Variants in SHISA6 observed in about 807,000 individuals in gnomAD.
SHISA6 encodes shisa family member 6, also known as protein shisa-6.
A neutral mutation model predicts 47.9 loss-of-function variants in SHISA6; 22 were observed. The observed-to-expected ratio is 0.46, with a 90% confidence interval of 0.33 to 0.66. SHISA6 has a LOEUF of 0.66. SHISA6 is among the 30% of genes least tolerant of loss of function. The pLI is 0.02. For synonymous variants in SHISA6, 388 were observed against 337.8 expected, an observed-to-expected ratio of 1.15 and a Z score of -1.63; for missense variants, 680 against 764.6, an observed-to-expected ratio of 0.89 and a Z score of 1.30.
chr17:11,360,329 G>A (rs534449690), intron 2 of SHISA6, among the ~76,000 whole-genome samples: 4 of 152,182 alleles, frequency 2.6e-5, no homozygotes, highest in Non-Finnish European at 5.9e-5. Flanking sequence ...TGAGGCTGAG[G>A]CGGGTGGATC....
In SHISA6 at chr17:11,476,113, G is replaced by C. The variant is rs79102762; in HGVS notation, c.896-75783G>C. ...CTTCTTTATTATTCTGTTAACATTC[G>C]TGGGATCTGTAGTGATGTCCCCTCT... On this transcript the variant is annotated intron_variant, in intron 3 of 5. Transcript: ENST00000441885. 5.4e-3 allele frequency among the ~76,000 whole-genome samples: 824 copies of C among 151,982 alleles called. 12 individuals carry two copies. The highest frequency in any genetic ancestry group is 0.019 in the African/African-American group (785 of 41,472).
chr17:11,493,316 C>T (rs531769692), intron 3 of SHISA6, among the ~76,000 whole-genome samples: 57 of 152,174 alleles, frequency 3.7e-4, no homozygotes, highest in Middle Eastern at 3.4e-3. Context: ...CAGTATCCAC[C>T]ACGGAGTTCA....
intron 2 of SHISA6, among the ~76,000 whole-genome samples, chr17:11,347,725 C>A (rs541341099): frequency 6.6e-6 from 1 of 152,206 alleles, no homozygotes; most frequent in African/African-American, 2.4e-5. Context: ...ATGAGAGACC[C>A]AGAACCTACC....
intron 2 of SHISA6, among the ~76,000 whole-genome samples, chr17:11,358,695 A>C (rs1912158992): frequency 3.0e-5 from 4 of 134,260 alleles, no homozygotes; most frequent in African/African-American, 5.8e-5. Context: ...AATACGTCTC[A>C]CTCTGTTGTC....
chr17:11,300,733 C>A (rs974278708), intron 2 of SHISA6, among the ~76,000 whole-genome samples: 3 of 148,116 alleles, frequency 2.0e-5, no homozygotes, highest in African/African-American at 7.5e-5. Context: ...TAAGAGATGG[C>A]TCTAGGAAAA....
intron 2 of SHISA6, among the ~76,000 whole-genome samples, chr17:11,285,421 G>A (rs1384438204): frequency 6.6e-6 from 1 of 152,202 alleles, no homozygotes; most frequent in Admixed American, 6.5e-5. Flanking sequence ...CTTGAGAGGA[G>A]CAAATCTTGC....
At chr17:11,405,021 T>C (rs560595033) in intron 3 of SHISA6, among the ~76,000 whole-genome samples, 6 of 152,160 alleles carry the variant, frequency 3.9e-5, no homozygotes, top group Admixed American at 6.6e-5. Context: ...TGTTCAACTT[T>C]ATCTGCAGAG....
At chr17:11,342,383 G>A (rs1034306000) in intron 2 of SHISA6, among the ~76,000 whole-genome samples, 1 of 152,016 alleles carries the variant, frequency 6.6e-6, no homozygotes, top group East Asian at 2.0e-4. Context: ...GTTGGAGGCT[G>A]GGGCTGCAGC....
intron 3 of SHISA6, among the ~76,000 whole-genome samples, chr17:11,502,030 A>G (rs2071457758): frequency 1.3e-5 from 2 of 152,166 alleles, no homozygotes; most frequent in South Asian, 4.1e-4. Flanking sequence ...GGGCTTTAGG[A>G]ACAAAGAGAA....
At chr17:11,327,117 A>G (rs1382997425) in intron 2 of SHISA6, among the ~76,000 whole-genome samples, 3 of 152,216 alleles carry the variant, frequency 2.0e-5, no homozygotes, top group Admixed American at 2.0e-4. Flanking sequence ...GCTGTTGAGG[A>G]TAGATGAGTC....
chr17:11,541,556 G>A (rs1296787137), intron 3 of SHISA6, among the ~76,000 whole-genome samples: 2 of 152,178 alleles, frequency 1.3e-5, no homozygotes, highest in African/African-American at 4.8e-5. Flanking sequence ...AGGAACTTTA[G>A]AACCTATTTT....
At position 11,358,667 on chromosome 17, in the gene SHISA6, C is replaced by CTTTTTTTTTTTT. The variant is rs71142206; in HGVS notation, c.800-20745_800-20734dup. 3.1e-3 allele frequency among the ~76,000 whole-genome samples: 435 copies of CTTTTTTTTTTTT among 141,274 alleles called. 4 individuals are homozygous for CTTTTTTTTTTTT. The highest frequency in any genetic ancestry group is 0.011 in the African/African-American group (410 of 37,034). 92.7% of individuals were successfully genotyped at this position (141,274 alleles called of 152,430 possible). A position where few individuals can be genotyped will look rare whatever the true frequency, so the allele number is the denominator to read the frequency against. ...AGCCACCGCACCTGGCCAGAATTTC[C>CTTTTTTTTTTTT]TTTTTTTTTTTTTAAAGAATACGTC... On this transcript the variant is annotated intron_variant, in intron 2 of 5. Transcript: ENST00000441885.
At chr17:11,527,115 C>T (rs917353189) in intron 3 of SHISA6, among the ~76,000 whole-genome samples, 7 of 151,898 alleles carry the variant, frequency 4.6e-5, no homozygotes, top group African/African-American at 1.7e-4. Flanking sequence ...GGACATTTTT[C>T]CCAAAGAATA....
chr17:11,325,607 G>A, intron 2 of SHISA6, among the ~76,000 whole-genome samples: 1 of 151,950 alleles, frequency 6.6e-6, no homozygotes, highest in Non-Finnish European at 1.5e-5. Context: ...GACAGCATCA[G>A]GAAGTGAAAT....
intron 3 of SHISA6, among the ~76,000 whole-genome samples, chr17:11,455,662 C>G (rs1367280701): frequency 6.6e-6 from 1 of 152,060 alleles, no homozygotes; most frequent in Non-Finnish European, 1.5e-5. Flanking sequence ...AGGTTCTCAC[C>G]CCGCTGAGCA....
intron 2 of SHISA6, among the ~76,000 whole-genome samples, chr17:11,271,601 CTTTTTTTT>C (rs770845288): frequency 2.0e-5 from 2 of 99,736 alleles, no homozygotes; most frequent in Admixed American, 9.9e-5. Context: ...CCACGCCTGG[CTTTTTTTT>C]TTTTTTTTTT....
At chr17:11,471,689 C>G (rs551896634) in intron 3 of SHISA6, among the ~76,000 whole-genome samples, 30 of 152,302 alleles carry the variant, frequency 2.0e-4, no homozygotes, top group African/African-American at 7.0e-4. Context: ...TGCTGTACAT[C>G]TTTAGACTAG....
intron 3 of SHISA6, among the ~76,000 whole-genome samples, chr17:11,382,475 ACTAAGTTCAACT>A (rs1306112305): frequency 4.6e-5 from 7 of 152,174 alleles, no homozygotes; most frequent in Non-Finnish European, 8.8e-5. Context: ...TTCAGAGCAA[ACTAAGTTCAACT>A]CTAAGTGCTA....
chr17:11,272,127 G>A (rs1282962749), intron 2 of SHISA6, among the ~76,000 whole-genome samples: 1 of 151,998 alleles, frequency 6.6e-6, no homozygotes, highest in East Asian at 1.9e-4. Context: ...GGGGTTCTGG[G>A]AACAGCTTCT....
Sources: gnomAD v4.1 joint callset for allele counts (sites outside exome capture counted in the v4.1 genomes callset) on GRCh38, gnomAD v4.1.1 for gene constraint, MANE v1.5 for transcripts, NCBI Gene and HGNC (gene_info 2026-07-23, HGNC 2026-07-21) for gene names.